Variants in TUSC3 observed in about 807,000 individuals in gnomAD.
The protein encoded by TUSC3 is tumor suppressor candidate 3, also known as dolichyl-diphosphooligosaccharide--protein glycosyltransferase subunit TUSC3.
Under a neutral mutation model 44.8 loss-of-function variants are expected in TUSC3, and 45 were observed. The observed-to-expected ratio is 1.00, with a 90% CI of 0.79 to 1.29. The LOEUF (loss-of-function observed/expected upper bound fraction) is 1.29. TUSC3 is among the 50% of genes most tolerant of loss of function. The pLI is 0.00. For synonymous variants in TUSC3, 212 were observed against 152.9 expected (o/e 1.39, Z -2.85); for missense variants, 519 against 437.9 (o/e 1.19, Z -1.65).
chr8:15,516,093 T>G (rs2129128730), intron 2 of TUSC3, among the ~76,000 whole-genome samples: 1 of 152,276 alleles, frequency 6.6e-6, no homozygotes, highest in African/African-American at 2.4e-5. Flanking sequence ...GCAGTAAGAT[T>G]AGTCTAGATT....
chr8:15,834,462 T>G, the TUSC3 span, among the ~76,000 whole-genome samples: 1 of 152,146 alleles, frequency 6.6e-6, no homozygotes, highest in African/African-American at 2.4e-5. Context: ...ATTTCTCAGT[T>G]AAGAACAATA....
chr8:15,722,172 C>T (rs769671023), intron 6 of TUSC3, among the ~76,000 whole-genome samples: 16 of 151,476 alleles, frequency 1.1e-4, no homozygotes, highest in African/African-American at 2.4e-4. Flanking sequence ...TGACTTTCTA[C>T]GGAGGGGCAG....
At position 15,557,617 on chromosome 8, in the gene TUSC3, T is replaced by C. The variant is rs1383614913; in HGVS notation, c.138+17049T>C. Among the ~76,000 whole-genome samples, 87 of 105,582 alleles carry C rather than the reference T, an allele frequency of 8.2e-4. 1 individual carries two copies. The highest frequency in any genetic ancestry group is 2.3e-3 in the African/African-American group (76 of 32,710). The allele number at this position is 105,582 out of a possible 152,430, so 69.3% of individuals were successfully genotyped here. On this transcript the variant is annotated intron_variant, in intron 1 of 10. Coordinates refer to ENST00000503731, the MANE Select transcript of TUSC3 (RefSeq NM_006765.4). The stretch of plus-strand genomic sequence containing the variant: ...GGCAGTACGGCCATTTTCATGATAT[T>C]GATTCTTCCTACCCATGAGCATGGA...
At chr8:15,599,133 A>T (rs558218712) in intron 1 of TUSC3, among the ~76,000 whole-genome samples, 5 of 151,980 alleles carry the variant, frequency 3.3e-5, no homozygotes, top group African/African-American at 9.6e-5. Context: ...GATTTTGGTC[A>T]TTCTAATAGG....
At chr8:15,435,380 A>G (rs1207287704) in intron 1 of TUSC3, among the ~76,000 whole-genome samples, 1 of 152,202 alleles carries the variant, frequency 6.6e-6, no homozygotes, top group Non-Finnish European at 1.5e-5. Flanking sequence ...CTCATTCCTT[A>G]TATATTAATG....
intron 2 of TUSC3, among the ~76,000 whole-genome samples, chr8:15,646,293 A>T (rs1806626770): frequency 6.6e-6 from 1 of 152,122 alleles, no homozygotes; most frequent in African/African-American, 2.4e-5. Flanking sequence ...TGAGTGTGGT[A>T]TTTTTATAAA....
chr8:15,537,341 C>A (rs1349298985), upstream of TUSC3, among the ~76,000 whole-genome samples: 1 of 152,176 alleles, frequency 6.6e-6, no homozygotes, highest in Non-Finnish European at 1.5e-5. Flanking sequence ...TCCTGCCTTT[C>A]TGAACGAAAC....
chr8:15,633,274 C>T (rs949801583), intron 2 of TUSC3, among the ~76,000 whole-genome samples: 2 of 152,036 alleles, frequency 1.3e-5, no homozygotes, highest in African/African-American at 2.4e-5. Flanking sequence ...ACAAAGAAGT[C>T]GTCTAGGGTA....
At chr8:15,792,735 C>G in the TUSC3 span, among the ~76,000 whole-genome samples, 4 of 152,058 alleles carry the variant, frequency 2.6e-5, no homozygotes, top group Non-Finnish European at 5.9e-5. Flanking sequence ...GGTGCCTCAG[C>G]TCCTCGAGTA....
At chr8:15,813,770 T>C in the TUSC3 span, among the ~76,000 whole-genome samples, 1 of 97,184 alleles carries the variant, frequency 1.0e-5, no homozygotes, top group Non-Finnish European at 2.1e-5. Context: ...GTGAAAGAGG[T>C]TTTTTTTTTA....
At chr8:15,797,286 G>A in the TUSC3 span, among the ~76,000 whole-genome samples, 1 of 152,176 alleles carries the variant, frequency 6.6e-6, no homozygotes, top group African/African-American at 2.4e-5. Context: ...CAAGTGGAAT[G>A]CCCAAGAGAG....
chr8:15,581,356 G>A (rs991719760), intron 1 of TUSC3, among the ~76,000 whole-genome samples: 4 of 149,998 alleles, frequency 2.7e-5, no homozygotes, highest in Admixed American at 6.6e-5. Context: ...TTCCGTTGCT[G>A]GTGAGGAACT....
chr8:15,710,106 G>A (rs1250323238), intron 6 of TUSC3, among the ~76,000 whole-genome samples: 2 of 151,358 alleles, frequency 1.3e-5, no homozygotes, highest in African/African-American at 2.4e-5. Context: ...TGCCCTTTTC[G>A]GAGTCCTACC....
At chr8:15,532,165 G>C (rs1585078227) in intron 2 of TUSC3, among the ~76,000 whole-genome samples, 1 of 151,770 alleles carries the variant, frequency 6.6e-6, no homozygotes, top group Admixed American at 6.6e-5. Flanking sequence ...ATCTGAACTT[G>C]GCTCCTTTTT....
At chr8:15,587,547 A>C (rs1803650699) in intron 1 of TUSC3, among the ~76,000 whole-genome samples, 1 of 152,158 alleles carries the variant, frequency 6.6e-6, no homozygotes, top group South Asian at 2.1e-4. Context: ...AGCACCCCAA[A>C]TATTTATCAT....
chr8:15,784,582 T>C, the TUSC3 span, among the ~76,000 whole-genome samples: 1 of 151,900 alleles, frequency 6.6e-6, no homozygotes. Flanking sequence ...CATTTAGCCT[T>C]TAAAAAGTAG....
At chr8:15,452,041 C>T (rs891005410) in intron 1 of TUSC3, among the ~76,000 whole-genome samples, 2 of 152,164 alleles carry the variant, frequency 1.3e-5, no homozygotes, top group African/African-American at 4.8e-5. Context: ...CATGAAACCA[C>T]TCAGCACCAT....
chr8:15,748,452 G>A lies in TUSC3; in HGVS notation c.1015G>A (p.Gly339Ser), dbSNP rs773544572. The A allele has an allele frequency of 1.9e-6, 3 of 1,611,474 alleles. No homozygotes were observed. Among genetic ancestry groups the A allele is most frequent in the Non-Finnish European group, 2.5e-6 (3 of 1,177,916 alleles). The change falls in exon 9 of 11, where the codon GGC becomes AGC. Residue 339 changes from glycine (G) to serine (S), a missense_variant. Coordinates refer to ENST00000503731, the MANE Select transcript of TUSC3 (RefSeq NM_006765.4). ...TTCAATATTTCGTTCCAAGTACCAC[G>A]GCTATCCTTATAGGTAATATCTTTA... Reference protein sequence around the residue: ...LLSIFRSKYHGYPYSDLDFE With the variant: ...LLSIFRSKYHSYPYSDLDFE
chr8:15,432,118 G>T (rs1301385239), intron 1 of TUSC3, among the ~76,000 whole-genome samples: 43 of 151,860 alleles, frequency 2.8e-4, no homozygotes, highest in Non-Finnish European at 1.5e-5. Context: ...AGTAAAACTG[G>T]TCTCATAAAA....
Sources: gnomAD v4.1 joint callset for allele counts (sites outside exome capture counted in the v4.1 genomes callset) on GRCh38, gnomAD v4.1.1 for gene constraint, MANE v1.5 for transcripts, NCBI Gene and HGNC (gene_info 2026-07-23, HGNC 2026-07-21) for gene names.